The following GJB7 variants were observed in gnomAD, a reference collection of about 807,000 sequenced individuals.
GJB7 encodes the protein gap junction beta-7 protein.
For missense variants in GJB7, 253 were observed against 256.8 expected (o/e 0.99, Z 0.10); for synonymous variants, 87 against 95.2 (o/e 0.91, Z 0.50).
chr6:87,297,688 G>A (rs1319745576), intron 2 of GJB7, among the ~76,000 whole-genome samples: 1 of 152,102 alleles, frequency 6.6e-6, no homozygotes, highest in African/African-American at 2.4e-5. Flanking sequence ...GCTCCTTAAG[G>A]AATTTAGTCT....
At chr6:87,302,248 C>T (rs958353215) in intron 2 of GJB7, among the ~76,000 whole-genome samples, 3 of 151,902 alleles carry the variant, frequency 2.0e-5, no homozygotes, top group South Asian at 2.1e-4. Flanking sequence ...GGAGGAAGTT[C>T]GAATGCATCG....
At chr6:87,316,539 T>C (rs1346099763) in intron 2 of GJB7, among the ~76,000 whole-genome samples, 2 of 151,984 alleles carry the variant, frequency 1.3e-5, no homozygotes, top group African/African-American at 2.4e-5. Context: ...AGCCAAACAG[T>C]GACATGATTA....
intron 2 of GJB7, chr6:87,299,133 AAG>A: frequency 2.1e-6 from 1 of 472,968 alleles, no homozygotes; most frequent in South Asian, 1.5e-5. Context: ...TTTGCCAAGA[AAG>A]GCTTTGAAAA....
At chr6:87,296,375 G>T (rs540017878) in intron 2 of GJB7, among the ~76,000 whole-genome samples, 1 of 152,144 alleles carries the variant, frequency 6.6e-6, no homozygotes, top group South Asian at 2.1e-4. Flanking sequence ...ACAGGCAATA[G>T]AATCCTATTC....
rs114526712 is a variant in GJB7 at position 87,287,912 on chromosome 6, A to G, written c.-27-2973T>C. 7.9e-3 allele frequency among the ~76,000 whole-genome samples: 1,195 copies of G among 151,958 alleles called. 11 individuals carry two copies. The highest frequency in any genetic ancestry group is 0.027 in the African/African-American group (1,124 of 41,424). ...ATGTCCATCCTATTTTTTTAAAAAA[A>G]TTTTTTTTCAGATGGAGTGTTGCTC... is the stretch of plus-strand genomic sequence containing the variant. On this transcript the variant is annotated intron_variant, in intron 2 of 2. Transcript: ENST00000525899.
intron 2 of GJB7, among the ~76,000 whole-genome samples, chr6:87,302,283 A>AC (rs1462774095): frequency 1.3e-5 from 2 of 152,190 alleles, no homozygotes; most frequent in Non-Finnish European, 2.9e-5. Context: ...GCCTTGAAAA[A>AC]AAATTAGATG....
At position 87,328,607 on chromosome 6, in the gene GJB7, G is replaced by A. The variant is rs549060905; in HGVS notation, c.-206+531C>T. 5.3e-5 allele frequency among the ~76,000 whole-genome samples: 8 copies of A among 152,318 alleles called. No homozygotes were observed. The East Asian group carries it at 1.4e-3, about 26-fold the overall frequency. ...ACCCACTTGAGGAGGCAGTCTGCCT[G>A]TTCTCAGATCTCCAGCTGCGTGCTG... On this transcript the variant is annotated intron_variant, in intron 1 of 2. Transcript: ENST00000525899.
intron 2 of GJB7, among the ~76,000 whole-genome samples, chr6:87,290,585 A>G (rs899295290): frequency 6.6e-6 from 1 of 152,228 alleles, no homozygotes; most frequent in Non-Finnish European, 1.5e-5. Flanking sequence ...GCTTTTAAAA[A>G]ACAAACAGAA....
chr6:87,295,899 CA>C (rs1776243327), intron 2 of GJB7, among the ~76,000 whole-genome samples: 1 of 152,238 alleles, frequency 6.6e-6, no homozygotes, highest in Non-Finnish European at 1.5e-5. Context: ...GAAGAACTCA[CA>C]TATTACCTAA....
In GJB7 at chr6:87,284,375, T is replaced by C. The variant is rs1313437833; in HGVS notation, c.538A>G (p.Ile180Val). 12 of 1,614,060 alleles carry C rather than the reference T, an allele frequency of 7.4e-6. No individual in the cohort carries two copies. Among genetic ancestry groups the C allele is most frequent in the Non-Finnish European group, 1.0e-5 (12 of 1,180,030 alleles). The change falls in exon 3 of 3, where the codon ATC becomes GTC. Residue 180 changes from isoleucine (I) to valine (V), a missense_variant. By Grantham distance (29) the Ile-to-Val change is conservative. Transcript: ENST00000525899. ...CATGAGGTGATGACCAAGAAGAGGA[T>C]GAAGATCGTCTTCTCAGTGGGTTTG... ...ISKPTEKTIF[I>V]LFLVITSCLC... is the part of the protein sequence containing the mutation.
At position 87,284,516 on chromosome 6, in the gene GJB7, C is replaced by T; in HGVS notation, c.397G>A (p.Gly133Ser). 6.2e-7 allele frequency: 1 copy of T among 1,614,078 alleles called. No individual in the cohort carries two copies. The highest frequency in any genetic ancestry group is 1.7e-5 in the Admixed American group (1 of 60,018). The part of the protein sequence containing the change: ...AYLISLIVKT[G>S]FEIGFLVLFY... ...AAAACAAGGAAGCCAATTTCAAAAC[C>T]AGTTTTAACAATGAGGCTGATAAGA... is the stretch of plus-strand genomic sequence containing the variant. Residue 133 changes from glycine (G) to serine (S), a missense_variant, in exon 3 of 3, where the codon GGT becomes AGT. Transcript: ENST00000525899.
intron 2 of GJB7, among the ~76,000 whole-genome samples, chr6:87,305,303 A>T (rs1037744939): frequency 2.0e-5 from 3 of 152,000 alleles, no homozygotes; most frequent in Admixed American, 1.3e-4. Flanking sequence ...AAATCTCCTT[A>T]AGCTGATAAG....
chr6:87,301,282 A>C (rs1028933229), intron 2 of GJB7, among the ~76,000 whole-genome samples: 1 of 152,208 alleles, frequency 6.6e-6, no homozygotes, highest in Admixed American at 6.5e-5. Flanking sequence ...TTTCCTAGCC[A>C]AGGGAAGCTG....
In GJB7 at chr6:87,284,582, CAT is replaced by C. The variant is rs1163369285; in HGVS notation, c.329_330del (p.Tyr110CysfsTer21). The C allele has an allele frequency of 6.2e-6, 10 of 1,614,050 alleles. No individual in the cohort carries two copies. The highest frequency in any genetic ancestry group is 2.2e-5 in the East Asian group (1 of 44,890). ...CCCCCATCCATTGTACCTGGGCTGACATAGAGTTTCTTTCTGTGCCTTTTCTC... is the reference window on the plus strand; with the variant it reads ...CCCCCATCCATTGTACCTGGGCTGACAGAGTTTCTTTCTGTGCCTTTTCTC... Reference protein sequence around the residue: ...GREKRHRKKLYVSPGTMDGGL... With the variant: ...GREKRHRKKLXVSPGTMDGGL... On this transcript the variant is annotated frameshift_variant, in exon 3 of 3. Coordinates refer to ENST00000525899, the MANE Select transcript of GJB7 (RefSeq NM_198568.3). LOFTEE classifies it low-confidence loss of function (END_TRUNC).
chr6:87,323,325 C>T (rs938800865), intron 1 of GJB7, among the ~76,000 whole-genome samples: 1 of 152,046 alleles, frequency 6.6e-6, no homozygotes, highest in African/African-American at 2.4e-5. Context: ...GCACAATGTG[C>T]AGGTTAGTTA....
At chr6:87,290,797 AC>A (rs757142489) in intron 2 of GJB7, among the ~76,000 whole-genome samples, 98 of 152,328 alleles carry the variant, frequency 6.4e-4, no homozygotes, top group South Asian at 1.2e-3. Context: ...TCATGCTAGA[AC>A]TGCAGTGTGG....
chr6:87,303,648 C>G (rs1037519206), intron 2 of GJB7, among the ~76,000 whole-genome samples: 3 of 152,092 alleles, frequency 2.0e-5, no homozygotes, highest in African/African-American at 4.8e-5. Flanking sequence ...TATCCAGGAA[C>G]TGAACTCAGC....
Position 87,317,200 on chromosome 6 carries a change from C to CAAAAAA in GJB7, c.-28+5660_-28+5665dup, listed in dbSNP as rs113016507. On this transcript the variant is annotated intron_variant, in intron 2 of 2. Transcript: ENST00000525899. ...TGAGACCCTGTCTCTACTAAAAATACAAAAAAAAAAAAAATTAGCCGGGCA... is the reference window on the plus strand; with the variant it reads ...TGAGACCCTGTCTCTACTAAAAATACAAAAAAAAAAAAAAAAAAAATTAGCCGGGCA... 3.6e-5 allele frequency among the ~76,000 whole-genome samples: 5 copies of CAAAAAA among 137,182 alleles called. 1 individual carries two copies. The South Asian group carries it at 7.0e-4, about 19-fold the overall frequency. The allele number at this position is 137,182 out of a possible 152,430, so 90.0% of individuals were successfully genotyped here. A position where few individuals can be genotyped will look rare whatever the true frequency, so the allele number is the denominator to read the frequency against.
chr6:87,289,685 G>A (rs1776133235), intron 2 of GJB7, among the ~76,000 whole-genome samples: 1 of 152,134 alleles, frequency 6.6e-6, no homozygotes, highest in South Asian at 2.1e-4. Context: ...TTCTGACTGT[G>A]GTGACACTGT....
Sources: gnomAD v4.1 joint callset for allele counts (sites outside exome capture counted in the v4.1 genomes callset) on GRCh38, gnomAD v4.1.1 for gene constraint, MANE v1.5 for transcripts, NCBI Gene and HGNC (gene_info 2026-07-23, HGNC 2026-07-21) for gene names.